AMPH: variants seen among roughly 807,000 people sequenced by gnomAD.
The protein encoded by AMPH is amphiphysin.
Under a neutral mutation model 99.1 loss-of-function variants are expected in AMPH, and 49 were observed. That is an observed-to-expected ratio of 0.49 (90% confidence interval 0.39 to 0.63). The LOEUF (loss-of-function observed/expected upper bound fraction) is 0.63, where lower values mean the gene tolerates loss of function less well. Ranked by LOEUF, AMPH falls within the 20% of genes least tolerant of loss-of-function variation. The pLI is 0.00. For missense variants in AMPH, 759 were observed against 863.4 expected, an observed-to-expected ratio of 0.88 and a Z score of 1.52; for synonymous variants, 314 against 317.3, an observed-to-expected ratio of 0.99 and a Z score of 0.11.
At chr7:38,427,649 C>CTTTTTTT (rs3056201) in intron 14 of AMPH, among the ~76,000 whole-genome samples, 1 of 137,384 alleles carries the variant, frequency 7.3e-6, no homozygotes, top group Non-Finnish European at 1.5e-5. Context: ...GATGCTGCTG[C>CTTTTTTT]TTTTTTTTTT....
chr7:38,437,625 CAAAAAAAAAAA>C (rs70977404), intron 11 of AMPH, among the ~76,000 whole-genome samples: 1 of 94,816 alleles, frequency 1.1e-5, no homozygotes, highest in South Asian at 4.3e-4. Context: ...ACTAAAAATA[CAAAAAAAAAAA>C]AAAAAAAGAA....
chr7:38,540,119 C>T (rs1790756317), intron 1 of AMPH, among the ~76,000 whole-genome samples: 1 of 152,170 alleles, frequency 6.6e-6, no homozygotes, highest in African/African-American at 2.4e-5. Flanking sequence ...CAGATTTTGA[C>T]ATCAACATGA....
At chr7:38,479,095 A>G (rs1056497308) in intron 5 of AMPH, among the ~76,000 whole-genome samples, 3 of 152,110 alleles carry the variant, frequency 2.0e-5, no homozygotes, top group African/African-American at 2.4e-5. Context: ...TGAAGACATC[A>G]AAGTATAGAT....
chr7:38,566,514 A>C (rs1791749147), intron 1 of AMPH, among the ~76,000 whole-genome samples: 1 of 152,200 alleles, frequency 6.6e-6, no homozygotes, highest in Non-Finnish European at 1.5e-5. Flanking sequence ...AAAACACAAA[A>C]AGCAATGGCA....
chr7:38,495,141 T>C (rs1383779349), intron 3 of AMPH, among the ~76,000 whole-genome samples: 1 of 152,202 alleles, frequency 6.6e-6, no homozygotes, highest in Non-Finnish European at 1.5e-5. Context: ...TATAGGTTCT[T>C]GCAAAGTGTG....
intron 3 of AMPH, among the ~76,000 whole-genome samples, chr7:38,500,040 G>T (rs1443313281): frequency 6.6e-6 from 1 of 152,188 alleles, no homozygotes; most frequent in African/African-American, 2.4e-5. Context: ...CAGTCTGGGG[G>T]CATGACTTTA....
chr7:38,396,709 T>G (rs1182391491), intron 17 of AMPH, among the ~76,000 whole-genome samples: 1 of 152,242 alleles, frequency 6.6e-6, no homozygotes, highest in Non-Finnish European at 1.5e-5. Context: ...ATCACTGTTT[T>G]AAATAAGCAC....
At chr7:38,400,926 A>T (rs1023609161) in intron 17 of AMPH, among the ~76,000 whole-genome samples, 18 of 152,270 alleles carry the variant, frequency 1.2e-4, no homozygotes, top group African/African-American at 2.6e-4. Context: ...CAATTAAAAA[A>T]TTTTTTTCTA....
chr7:38,616,152 G>A (rs1179605440), intron 1 of AMPH, among the ~76,000 whole-genome samples: 3 of 152,134 alleles, frequency 2.0e-5, no homozygotes, highest in African/African-American at 7.2e-5. Context: ...CTCTGCACAA[G>A]CAAGTCGTAG....
At chr7:38,429,389 G>A (rs1187752840) in intron 14 of AMPH, 3 of 1,291,132 alleles carry the variant, frequency 2.3e-6, no homozygotes, top group South Asian at 1.2e-5. Flanking sequence ...CTGTTTCGGA[G>A]GGACATGCAG....
intron 1 of AMPH, among the ~76,000 whole-genome samples, chr7:38,567,758 T>G (rs527757656): frequency 4.3e-4 from 65 of 152,240 alleles, no homozygotes; most frequent in African/African-American, 1.5e-3. Flanking sequence ...TGAAAATAAT[T>G]AGAATAGTTT....
chr7:38,539,967 G>C (rs982855415), intron 1 of AMPH, among the ~76,000 whole-genome samples: 1 of 152,186 alleles, frequency 6.6e-6, no homozygotes, highest in African/African-American at 2.4e-5. Flanking sequence ...TATGTCACGA[G>C]TATTTGACAG....
At position 38,384,912 on chromosome 7, in the gene AMPH, A is replaced by G; in HGVS notation, c.1994T>C (p.Leu665Pro). ...CCAGTCTGATTCCTTCACTCCCACC[A>G]GCCAGCCTGCATCCTGAAAAACAAT... Reference protein sequence around the residue: ...DSEADQDAGWLVGVKESDWLQ... With the variant: ...DSEADQDAGWPVGVKESDWLQ... The change falls in exon 21 of 21, where the codon CTG (leucine) becomes CCG (proline). Residue 665 changes from leucine (L) to proline (P), a missense_variant. By Grantham distance (98) the Leu-to-Pro change is moderately conservative (BLOSUM62 -3). This residue lies in a region of AMPH where 554 missense variants were observed against 575.6 expected (regional missense o/e 0.96). Coordinates refer to ENST00000356264, the MANE Select transcript of AMPH (RefSeq NM_001635.4). The G allele has an allele frequency of 6.2e-7, 1 of 1,613,708 alleles. No individual in the cohort carries two copies. The highest frequency in any genetic ancestry group is 8.5e-7 in the Non-Finnish European group (1 of 1,179,660).
intron 14 of AMPH, chr7:38,429,155 CA>C: frequency 1.6e-6 from 2 of 1,290,008 alleles, no homozygotes; most frequent in Non-Finnish European, 2.0e-6. Flanking sequence ...TTTCTTTGAA[CA>C]GGCCAGCTGT....
chr7:38,396,384 C>T (rs941418971), intron 17 of AMPH, among the ~76,000 whole-genome samples: 1 of 152,222 alleles, frequency 6.6e-6, no homozygotes, highest in Admixed American at 6.5e-5. Context: ...TAAGATGTGA[C>T]TTGCTCCTCT....
intron 1 of AMPH, among the ~76,000 whole-genome samples, chr7:38,566,929 A>C (rs1791765620): frequency 6.6e-6 from 1 of 152,226 alleles, no homozygotes. Flanking sequence ...GAACGCTTTT[A>C]CACTGTTGGT....
intron 1 of AMPH, among the ~76,000 whole-genome samples, chr7:38,560,099 T>C (rs892623179): frequency 1.3e-5 from 2 of 152,238 alleles, no homozygotes; most frequent in African/African-American, 4.8e-5. Flanking sequence ...GCTCCTCCCA[T>C]GAAGAGGTGA....
rs561797036 is a variant in AMPH, at chr7:38,426,529, C to T, written c.1215+425G>A. Among the ~76,000 whole-genome samples the T allele has an allele frequency of 7.9e-5, 12 of 152,332 alleles. 1 individual carries two copies. In the South Asian group the frequency reaches 2.5e-3, roughly 32 times the overall value. On this transcript the variant is annotated intron_variant, in intron 15 of 20. Coordinates refer to ENST00000356264, the MANE Select transcript of AMPH (RefSeq NM_001635.4). ...TAGAAGGAAGCTCCTAAAACCCTCT[C>T]ACATTTTCTAAAGATCCATCTCATT...
chr7:38,454,020 G>C (rs535096094), intron 11 of AMPH, among the ~76,000 whole-genome samples: 1 of 152,334 alleles, frequency 6.6e-6, no homozygotes, highest in East Asian at 1.9e-4. Flanking sequence ...AGCTATCCCT[G>C]GCGGCATCTC....
Sources: gnomAD v4.1 joint callset for allele counts (sites outside exome capture counted in the v4.1 genomes callset) on GRCh38, gnomAD v4.1.1 for gene constraint, gnomAD v4.1.1 regional missense constraint, MANE v1.5 for transcripts, NCBI Gene and HGNC (gene_info 2026-07-23, HGNC 2026-07-21) for gene names.